RABEPK: variants seen among roughly 807,000 people sequenced by gnomAD.
RABEPK encodes 40 kDa Rab9 effector protein.
A neutral mutation model predicts 34.1 loss-of-function variants in RABEPK; 27 were observed. That is an observed-to-expected ratio of 0.79 (90% CI 0.58 to 1.09). RABEPK has a LOEUF of 1.09. RABEPK is among the 50% of genes least tolerant of loss of function. RABEPK has a pLI of 0.00. For synonymous variants in RABEPK, 172 were observed against 169.2 expected, an observed-to-expected ratio of 1.02 and a Z score of -0.13; for missense variants, 449 against 462.6, an observed-to-expected ratio of 0.97 and a Z score of 0.27.
rs1221598057 is a variant in RABEPK at position 125,200,559 on chromosome 9, C to G, written c.-354C>G. ...TCCGGGGTGGAGTCACGGCTCGCGACTGGCCTAAGTCGCCGCAGGTATTGC... is the reference window on the plus strand; with the variant it reads ...TCCGGGGTGGAGTCACGGCTCGCGAGTGGCCTAAGTCGCCGCAGGTATTGC... On this transcript the variant is annotated 5_prime_UTR_variant, in exon 1 of 8. Coordinates refer to ENST00000373538, the MANE Select transcript of RABEPK (RefSeq NM_005833.4). 1 of 389,184 alleles carries G rather than the reference C, an allele frequency of 2.6e-6. No individual in the cohort carries two copies. The highest frequency in any genetic ancestry group is 5.4e-6 in the Non-Finnish European group (1 of 186,106). 24.1% of individuals were successfully genotyped at this position (389,184 alleles called of 1,614,324 possible).
chr9:125,233,544 G>A (rs565919251), intron 7 of RABEPK, 144 bp from the exon 8 acceptor site: 45 of 802,554 alleles, frequency 5.6e-5, no homozygotes, highest in East Asian at 1.3e-4. Context: ...GGGTTTCACC[G>A]TGTTAGCCAG....
chr9:125,212,574 A>G (rs552875467), intron 3 of RABEPK, among the ~76,000 whole-genome samples: 2 of 152,080 alleles, frequency 1.3e-5, no homozygotes, highest in Admixed American at 6.6e-5. Context: ...ATTTATTTGC[A>G]AGTAACAGAA....
intron 3 of RABEPK, among the ~76,000 whole-genome samples, chr9:125,209,003 C>CTAAAATA (rs1383620439): frequency 6.6e-6 from 1 of 151,430 alleles, no homozygotes; most frequent in East Asian, 1.9e-4. Flanking sequence ...CGAATATCAT[C>CTAAAATA]TAAAATACAA....
chr9:125,204,411 G>A (rs532913864), intron 2 of RABEPK, among the ~76,000 whole-genome samples: 18 of 152,150 alleles, frequency 1.2e-4, no homozygotes, highest in African/African-American at 4.1e-4. Context: ...GCAAAACCCC[G>A]TCTCTACTAA....
chr9:125,202,173 CCA>C (rs1297000344), intron 1 of RABEPK, among the ~76,000 whole-genome samples: 1 of 151,824 alleles, frequency 6.6e-6, no homozygotes, highest in Non-Finnish European at 1.5e-5. Flanking sequence ...TGAGATCCTG[CCA>C]CTGCACTCCA....
In RABEPK at chr9:125,200,642, C is replaced by T. The variant is rs985871598; in HGVS notation, c.-271C>T. The T allele has an allele frequency of 1.5e-5, 7 of 469,906 alleles. No individual in the cohort carries two copies. The highest frequency in any genetic ancestry group is 2.2e-5 in the Non-Finnish European group (5 of 226,200). The allele number at this position is 469,906 out of a possible 1,614,324, so 29.1% of individuals were successfully genotyped here. A position where few individuals can be genotyped will look rare whatever the true frequency, so the allele number is the denominator to read the frequency against. On this transcript the variant is annotated 5_prime_UTR_variant, in exon 1 of 8. Coordinates refer to ENST00000373538, the MANE Select transcript of RABEPK (RefSeq NM_005833.4). ...CCGGATACCGGGTCTATCACGGTCT[C>T]GGGCAGGGAGTCTGAATCTTTTAGG...
intron 2 of RABEPK, among the ~76,000 whole-genome samples, chr9:125,207,089 TAA>T (rs80221176): frequency 1.9e-4 from 25 of 132,930 alleles, no homozygotes; most frequent in Admixed American, 3.0e-4. Flanking sequence ...AACTCCATCT[TAA>T]AAAAAAAAAA....
rs561146120 is a variant in RABEPK, at chr9:125,200,594, C to T, written c.-319C>T. 7 of 439,960 alleles carry T rather than the reference C, an allele frequency of 1.6e-5. No individual in the cohort carries two copies. The highest frequency in any genetic ancestry group is 2.9e-5 in the Non-Finnish European group (6 of 208,444). The allele number at this position is 439,960 out of a possible 1,614,324, so 27.3% of individuals were successfully genotyped here. ...TCGCCGCAGGTATTGCAGTCCGGGG[C>T]TGGAGGGTAGGGGCGAGGGTCCCCG... On this transcript the variant is annotated 5_prime_UTR_variant, in exon 1 of 8. Coordinates refer to ENST00000373538, the MANE Select transcript of RABEPK (RefSeq NM_005833.4).
At chr9:125,225,230 C>A (rs365552) in intron 5 of RABEPK, among the ~76,000 whole-genome samples, 71,211 of 151,796 alleles carry the variant, frequency 0.47, 17,752 homozygotes, top group Middle Eastern at 0.55. Flanking sequence ...ACTAAAAATA[C>A]AAAAATTAGC....
chr9:125,212,809 A>G (rs1588353164), intron 3 of RABEPK, among the ~76,000 whole-genome samples: 1 of 152,122 alleles, frequency 6.6e-6, no homozygotes, highest in Middle Eastern at 3.4e-3. Flanking sequence ...AGCTGGGACT[A>G]CAGGCACGTG....
At chr9:125,229,870 C>A (rs1281038830) in intron 6 of RABEPK, among the ~76,000 whole-genome samples, 1 of 152,236 alleles carries the variant, frequency 6.6e-6, no homozygotes, top group Non-Finnish European at 1.5e-5. Flanking sequence ...GCAATTCCTT[C>A]AAGCTGTGAG....
chr9:125,230,245 T>C (rs1273454026), intron 6 of RABEPK, among the ~76,000 whole-genome samples: 1 of 152,100 alleles, frequency 6.6e-6, no homozygotes, highest in African/African-American at 2.4e-5. Flanking sequence ...ATTATAGGCG[T>C]GAACCACTGC....
At position 125,234,047 on chromosome 9, in the gene RABEPK, A is replaced by ATACC; in HGVS notation, c.*69_*72dup. On this transcript the variant is annotated 3_prime_UTR_variant, in exon 8 of 8. Transcript: ENST00000373538. Reference sequence around the variant, plus strand: ...AGTTAAGTAAAACATTAGCTGTTTTATACCTCCAAAATATCTTCTGCATTA... The same window carrying ATACC: ...AGTTAAGTAAAACATTAGCTGTTTTATACCTACCTCCAAAATATCTTCTGCATTA... The ATACC allele has an allele frequency of 7.2e-7, 1 of 1,390,998 alleles. No individual in the cohort carries two copies. Among genetic ancestry groups the ATACC allele is most frequent in the South Asian group, 1.3e-5 (1 of 74,160 alleles). The allele number at this position is 1,390,998 out of a possible 1,614,324, so 86.2% of individuals were successfully genotyped here. A position where few individuals can be genotyped will look rare whatever the true frequency, so the allele number is the denominator to read the frequency against.
chr9:125,215,236 T>G (rs1830852222), intron 4 of RABEPK, among the ~76,000 whole-genome samples: 1 of 151,826 alleles, frequency 6.6e-6, no homozygotes, highest in Admixed American at 6.6e-5. Context: ...CAAAAATAAT[T>G]GATTTGTTAT....
At chr9:125,220,724 G>A (rs756995674) in intron 5 of RABEPK, 24 bp downstream of exon 5, 1 of 1,605,188 alleles carries the variant, frequency 6.2e-7, no homozygotes, top group Admixed American at 1.7e-5. Flanking sequence ...GGCACCTTGG[G>A]GCTGGTCAGG....
chr9:125,217,596 T>C (rs937334689), intron 4 of RABEPK, among the ~76,000 whole-genome samples: 4 of 152,106 alleles, frequency 2.6e-5, no homozygotes, highest in African/African-American at 9.7e-5. Flanking sequence ...TGATTTTCTA[T>C]CATATCCCTT....
At chr9:125,212,400 T>C (rs1336198305) in intron 3 of RABEPK, among the ~76,000 whole-genome samples, 2 of 152,028 alleles carry the variant, frequency 1.3e-5, no homozygotes, top group Admixed American at 6.6e-5. Context: ...TTTGTATTTT[T>C]AGTAGAGACA....
rs775821552 is a variant in RABEPK, at chr9:125,220,514, A to G, written c.365-25A>G. Reference sequence around the variant, plus strand: ...GAAGCCCCTCTACCTGGATATTTTAAGTGCCTGCATTCTCTCTGGCCCAGA... The same window carrying G: ...GAAGCCCCTCTACCTGGATATTTTAGGTGCCTGCATTCTCTCTGGCCCAGA... On this transcript the variant is annotated intron_variant, in intron 4 of 7. Transcript: ENST00000373538. 7 of 1,601,210 alleles carry G rather than the reference A, an allele frequency of 4.4e-6. No individual in the cohort carries two copies. In the African/African-American group the frequency reaches 8.0e-5, roughly 18 times the overall value.
At chr9:125,225,822 G>A (rs1427674865) in intron 5 of RABEPK, among the ~76,000 whole-genome samples, 1 of 151,880 alleles carries the variant, frequency 6.6e-6, no homozygotes, top group Non-Finnish European at 1.5e-5. Context: ...AATTAGCCGG[G>A]CTTGGTGGTA....
Sources: allele counts gnomAD v4.1 joint callset (sites outside exome capture counted in the v4.1 genomes callset), GRCh38; gene constraint gnomAD v4.1.1; transcripts MANE v1.5; gene names NCBI Gene and HGNC (gene_info 2026-07-23, HGNC 2026-07-21).